PCDHGA8: variants seen among roughly 807,000 people sequenced by gnomAD.
PCDHGA8 encodes protocadherin gamma-A8.
A neutral mutation model predicts 59.2 loss-of-function variants in PCDHGA8; 45 were observed. The observed-to-expected ratio is 0.76, with a 90% confidence interval of 0.60 to 0.98. PCDHGA8 has a LOEUF of 0.98. Ranked by LOEUF, PCDHGA8 falls within the 50% of genes least tolerant of loss-of-function variation. The pLI is 0.00. For missense variants in PCDHGA8, 1,257 were observed against 1,196.2 expected, an observed-to-expected ratio of 1.05 and a Z score of -0.75; for synonymous variants, 531 against 519.0, an observed-to-expected ratio of 1.02 and a Z score of -0.32.
In PCDHGA8 at chr5:141,476,802, C is replaced by T; in HGVS notation, c.2425-18005C>T. 2 of 1,613,638 alleles carry T rather than the reference C, an allele frequency of 1.2e-6. No homozygotes were observed. The highest frequency in any genetic ancestry group is 1.7e-6 in the Non-Finnish European group (2 of 1,180,020). On this transcript the variant is annotated intron_variant, in intron 1 of 3. Coordinates refer to ENST00000398604, the MANE Select transcript of PCDHGA8 (RefSeq NM_032088.2). The surrounding 1 kb of genome is among the most constrained non-coding windows in gnomAD (Gnocchi z 7.6). ...ACCCCAGCTCTCTCCGCCAGCCTGC[C>T]TATTCACATCAAGGTGCTGGACGCG... is the stretch of plus-strand genomic sequence containing the variant.
intron 1 of PCDHGA8, chr5:141,399,474 C>T (rs1282833757): frequency 6.2e-7 from 1 of 1,614,032 alleles, no homozygotes; most frequent in South Asian, 1.1e-5. Flanking sequence ...CGGTTTTCCA[C>T]CAGGCGTCCT....
intron 1 of PCDHGA8, chr5:141,484,865 G>A (rs1431313212): frequency 3.6e-6 from 1 of 278,548 alleles, no homozygotes; most frequent in Non-Finnish European, 6.7e-6. Flanking sequence ...GGGTGGGGGA[G>A]CGTGGAGGAT....
intron 2 of PCDHGA8, among the ~76,000 whole-genome samples, chr5:141,505,177 A>T (rs917485235): frequency 6.6e-6 from 1 of 152,180 alleles, no homozygotes. Context: ...AAAAGAAAAA[A>T]GCATCGGAGG....
At chr5:141,398,282 C>T in intron 1 of PCDHGA8, 2 of 1,401,814 alleles carry the variant, frequency 1.4e-6, no homozygotes, top group South Asian at 2.6e-5. Context: ...AACCTCGCCA[C>T]GGACCTGGGG....
chr5:141,483,013 A>C (rs2154579792), intron 1 of PCDHGA8, among the ~76,000 whole-genome samples: 1 of 152,106 alleles, frequency 6.6e-6, no homozygotes, highest in Middle Eastern at 3.4e-3. Flanking sequence ...TGAACCCGGG[A>C]GGCAGAGGTT....
At chr5:141,470,736 C>A (rs541510544) in intron 1 of PCDHGA8, among the ~76,000 whole-genome samples, 1 of 152,092 alleles carries the variant, frequency 6.6e-6, no homozygotes, top group Non-Finnish European at 1.5e-5. Context: ...CTTGCTCTGT[C>A]GCCCTGGCTG....
rs2093119839 is a variant in PCDHGA8, at chr5:141,394,884, C to T, written c.2071C>T (p.Leu691Phe). Residue 691 changes from leucine to phenylalanine, a missense_variant, in exon 1 of 4, where the codon CTC becomes TTC. Physicochemically the swap from Leu to Phe is conservative, Grantham distance 22. Transcript: ENST00000398604. ...SVDPNDSSLTLYLVVAVAAIS... is the reference protein window; with the variant it reads ...SVDPNDSSLTFYLVVAVAAIS... ...CGACCCGAACGATTCGAGCCTTACA[C>T]TCTATCTCGTGGTGGCAGTGGCTGC... is the stretch of plus-strand genomic sequence containing the variant. 1.2e-6 allele frequency: 2 copies of T among 1,613,902 alleles called. No individual in the cohort carries two copies. Among genetic ancestry groups the T allele is most frequent in the Non-Finnish European group, 1.7e-6 (2 of 1,179,910 alleles).
At chr5:141,403,350 TC>T in intron 1 of PCDHGA8, 2 of 1,613,994 alleles carry the variant, frequency 1.2e-6, no homozygotes, top group Non-Finnish European at 1.7e-6. Flanking sequence ...GCCCCAAAGT[TC>T]CAGGCCGAAA....
At chr5:141,422,005 A>T in intron 1 of PCDHGA8, 1 of 1,609,814 alleles carries the variant, frequency 6.2e-7, no homozygotes, top group East Asian at 2.2e-5. Flanking sequence ...CAGCTCCGGA[A>T]CTCGGGTGCT....
At position 141,485,727 on chromosome 5, in the gene PCDHGA8, G is replaced by T. The variant is rs773176318; in HGVS notation, c.2425-9080G>T. The T allele has an allele frequency of 3.1e-6, 5 of 1,614,196 alleles. No homozygotes were observed. In the Admixed American group the frequency reaches 5.0e-5, roughly 16 times the overall value. Reference sequence around the variant, plus strand: ...CACTTTGCACTGGATGTGAAGAAGCGCAGCGACGGCAGCCTGGTCCCAGAG... The same window carrying T: ...CACTTTGCACTGGATGTGAAGAAGCTCAGCGACGGCAGCCTGGTCCCAGAG... On this transcript the variant is annotated intron_variant, in intron 1 of 3. Transcript: ENST00000398604. The surrounding 1 kb of genome is among the most constrained non-coding windows in gnomAD (Gnocchi z 5.7).
rs2099684984 is a variant in PCDHGA8 at position 141,489,278 on chromosome 5, G to A, written c.2425-5529G>A. ...ACACTCCCACAGCTCGCTGGGAAAT[G>A]GCAAGTGCTGTGCATGTTGTCCTTG... is the stretch of plus-strand genomic sequence containing the variant. On this transcript the variant is annotated intron_variant, in intron 1 of 3. Transcript: ENST00000398604. The surrounding 1 kb of genome is among the most constrained non-coding windows in gnomAD (Gnocchi z 4.5). The A allele has an allele frequency of 6.4e-7, 1 of 1,561,298 alleles. No homozygotes were observed. The highest frequency in any genetic ancestry group is 2.2e-5 in the East Asian group (1 of 44,520).
chr5:141,475,167 G>T (rs529813171), intron 1 of PCDHGA8, among the ~76,000 whole-genome samples: 1 of 152,160 alleles, frequency 6.6e-6, no homozygotes, highest in Admixed American at 6.5e-5. Flanking sequence ...CATTAGCAGT[G>T]CAACTTCTTG....
At position 141,487,370 on chromosome 5, in the gene PCDHGA8, T is replaced by C; in HGVS notation, c.2425-7437T>C. 6.2e-7 allele frequency: 1 copy of C among 1,614,232 alleles called. No individual in the cohort carries two copies. Among genetic ancestry groups the C allele is most frequent in the South Asian group, 1.1e-5 (1 of 91,080 alleles). On this transcript the variant is annotated intron_variant, in intron 1 of 3. Transcript: ENST00000398604. The surrounding 1 kb of genome is among the most constrained non-coding windows in gnomAD (Gnocchi z 5.0). ...ATGCTTTCCTGCTGGCACCTGTGCC[T>C]GTCTCACCAGATCTCGAAGGAGGGA... is the stretch of plus-strand genomic sequence containing the variant.
rs2099730037 is a variant in PCDHGA8 at position 141,491,783 on chromosome 5, A to G, written c.2425-3024A>G. The G allele has an allele frequency of 1.3e-6, 2 of 1,539,618 alleles. No homozygotes were observed. The highest frequency in any genetic ancestry group is 2.2e-5 in the Admixed American group (1 of 46,412). On this transcript the variant is annotated intron_variant, in intron 1 of 3. Transcript: ENST00000398604. The surrounding 1 kb of genome is among the most constrained non-coding windows in gnomAD (Gnocchi z 6.9). ...CGTCCTCATAAGGGATTGAACTTGC[A>G]TCCACTCCTCTCCGGCCGGCTTGGT...
Position 141,512,910 on chromosome 5 carries a change from T to C in PCDHGA8, c.*1737T>C, listed in dbSNP as rs2099884499. On this transcript the variant is annotated 3_prime_UTR_variant, in exon 4 of 4. Transcript: ENST00000398604. Reference sequence around the variant, plus strand: ...CTCTTCCTGTGTCTCACGCAAGTTTTATACTCTAATATTTATATGGCTTTT... The same window carrying C: ...CTCTTCCTGTGTCTCACGCAAGTTTCATACTCTAATATTTATATGGCTTTT... 1 of 152,274 alleles carries C rather than the reference T, an allele frequency of 6.6e-6. No homozygotes were observed. The highest frequency in any genetic ancestry group is 2.1e-4 in the South Asian group (1 of 4,836). 9.4% of individuals were successfully genotyped at this position (152,274 alleles called of 1,614,324 possible). A position where few individuals can be genotyped will look rare whatever the true frequency, so the allele number is the denominator to read the frequency against.
At chr5:141,410,295 T>A (rs1043971768) in intron 1 of PCDHGA8, 1 of 1,613,982 alleles carries the variant, frequency 6.2e-7, no homozygotes, top group Admixed American at 1.7e-5. Flanking sequence ...GCCTTGGCCT[T>A]AATCTCAGTG....
At position 141,510,947 on chromosome 5, in the gene PCDHGA8, A is replaced by C; in HGVS notation, c.2573A>C (p.Glu858Ala). Residue 858 changes from glutamate to alanine, a missense_variant and splice_region_variant, in exon 4 of 4, where the codon GAA (glutamate) becomes GCA (alanine). By Grantham distance (107) the Glu-to-Ala change is moderately radical. Transcript: ENST00000398604. ...ACCTGATCTTCCTCTGTCTCTGCAG[A>C]AGCTGCTGATGGGAGCTCCACCCTG... ...LQAMILASAS[E>A]AADGSSTLGG... The C allele has an allele frequency of 6.2e-7, 1 of 1,614,084 alleles. No individual in the cohort carries two copies. Among genetic ancestry groups the C allele is most frequent in the Non-Finnish European group, 8.5e-7 (1 of 1,180,000 alleles).
chr5:141,478,292 C>T, intron 1 of PCDHGA8: 1 of 1,614,146 alleles, frequency 6.2e-7, no homozygotes, highest in Non-Finnish European at 8.5e-7. Flanking sequence ...GTCTAGAGAC[C>T]TATACCGAGC....
In PCDHGA8 at chr5:141,476,351, G is replaced by A; in HGVS notation, c.2425-18456G>A. The A allele has an allele frequency of 1.2e-6, 2 of 1,614,182 alleles. No individual in the cohort carries two copies. The highest frequency in any genetic ancestry group is 1.7e-6 in the Non-Finnish European group (2 of 1,180,046). ...TGGAGCTAGCCGAAGATTCTTTGAG[G>A]TGAACCGGGAGACCGGAGAGATGTT... On this transcript the variant is annotated intron_variant, in intron 1 of 3. Coordinates refer to ENST00000398604, the MANE Select transcript of PCDHGA8 (RefSeq NM_032088.2). This position sits in a 1 kb window ranked among gnomAD's most constrained non-coding sequence, Gnocchi z 7.6.
Sources: gnomAD v4.1 joint callset for allele counts (sites outside exome capture counted in the v4.1 genomes callset) on GRCh38, gnomAD v4.1.1 for gene constraint, Gnocchi (gnomAD v3.1) non-coding constraint, MANE v1.5 for transcripts, NCBI Gene and HGNC (gene_info 2026-07-23, HGNC 2026-07-21) for gene names.